Variants in PACRG observed in about 807,000 individuals in gnomAD.
PACRG encodes the protein parkin coregulated, also known as parkin coregulated gene protein.
A neutral mutation model predicts 29.7 loss-of-function variants in PACRG; 29 were observed. That is an observed-to-expected ratio of 0.98 (90% CI 0.73 to 1.33). The LOEUF is 1.33. Ranked by LOEUF, PACRG falls within the 40% of genes most tolerant of loss-of-function variation. The pLI, the probability that PACRG is intolerant of heterozygous loss-of-function variation, is 0.00. For missense variants in PACRG, 279 were observed against 316.2 expected, an observed-to-expected ratio of 0.88 and a Z score of 0.89; for synonymous variants, 116 against 118.7, an observed-to-expected ratio of 0.98 and a Z score of 0.15.
At chr6:162,766,512 A>G (rs1454412160) in intron 1 of PACRG, among the ~76,000 whole-genome samples, 6 of 152,200 alleles carry the variant, frequency 3.9e-5, no homozygotes, top group African/African-American at 1.2e-4. Context: ...TCTGCAATGA[A>G]CAGAGGAGTG....
At chr6:162,748,719 T>C (rs1387575599) in intron 1 of PACRG, among the ~76,000 whole-genome samples, 5 of 152,138 alleles carry the variant, frequency 3.3e-5, no homozygotes, top group Non-Finnish European at 7.4e-5. Flanking sequence ...CTCCCCCAGG[T>C]TCACATCCCT....
chr6:163,292,602 A>ATTTATTTAT (rs35254999), intron 4 of PACRG, among the ~76,000 whole-genome samples: 1 of 150,038 alleles, frequency 6.7e-6, no homozygotes, highest in Non-Finnish European at 1.5e-5. Flanking sequence ...TTATTTATTT[A>ATTTATTTAT]TTAGTAGAGA....
intron 2 of PACRG, among the ~76,000 whole-genome samples, chr6:162,919,675 G>T (rs955699810): frequency 2.0e-5 from 3 of 152,158 alleles, no homozygotes; most frequent in Non-Finnish European, 4.4e-5. Context: ...TGTTGTAGTT[G>T]AATGAATCAA....
At chr6:163,016,610 ATG>A (rs1027994183) in intron 2 of PACRG, among the ~76,000 whole-genome samples, 2 of 152,132 alleles carry the variant, frequency 1.3e-5, no homozygotes, top group African/African-American at 4.8e-5. Flanking sequence ...AAAGATGAAT[ATG>A]GGGTCGAAAT....
intron 4 of PACRG, among the ~76,000 whole-genome samples, chr6:163,222,534 C>T (rs529916083): frequency 2.6e-5 from 4 of 152,264 alleles, no homozygotes; most frequent in East Asian, 3.9e-4. Flanking sequence ...GAGCTGAGAT[C>T]GCACCACTGT....
intron 2 of PACRG, among the ~76,000 whole-genome samples, chr6:162,946,568 G>A (rs930745368): frequency 3.3e-5 from 5 of 151,978 alleles, no homozygotes; most frequent in African/African-American, 1.2e-4. Flanking sequence ...TTACAAAGAA[G>A]AACTAACACC....
At chr6:163,001,655 A>G (rs1363305312) in intron 2 of PACRG, among the ~76,000 whole-genome samples, 1 of 152,140 alleles carries the variant, frequency 6.6e-6, no homozygotes, top group Non-Finnish European at 1.5e-5. Flanking sequence ...TTGTTACTTT[A>G]GGGAATTGTC....
chr6:163,200,226 C>A (rs900147744), intron 4 of PACRG, among the ~76,000 whole-genome samples: 6 of 152,042 alleles, frequency 3.9e-5, no homozygotes, highest in African/African-American at 1.4e-4. Flanking sequence ...GAAAAAAAGG[C>A]AACTTTTTTT....
At chr6:162,809,348 G>A (rs937440182) in intron 1 of PACRG, among the ~76,000 whole-genome samples, 1 of 152,104 alleles carries the variant, frequency 6.6e-6, no homozygotes, top group Non-Finnish European at 1.5e-5. Flanking sequence ...AAAGACAGAG[G>A]ATACCAGAGA....
In PACRG at chr6:163,269,861, AAGAAAG is replaced by A. The variant is rs1179607900; in HGVS notation, c.614-44958_614-44953del. Reference sequence around the variant, plus strand: ...AAAAAGAAAGAAAGAAAGAAAGAGAAAGAAAGAGAAAGAAAGAAAGAAAGAAAGAAA... The same window carrying A: ...AAAAAGAAAGAAAGAAAGAAAGAGAAAGAAAGAAAGAAAGAAAGAAAGAAA... On this transcript the variant is annotated intron_variant, in intron 4 of 4. Transcript: ENST00000366888. Among the ~76,000 whole-genome samples, 4 of 65,908 alleles carry A rather than the reference AAGAAAG, an allele frequency of 6.1e-5. 1 individual carries two copies. Among genetic ancestry groups the A allele is most frequent in the Non-Finnish European group, 8.7e-5 (3 of 34,362 alleles). The allele number at this position is 65,908 out of a possible 152,430, so 43.2% of individuals were successfully genotyped here. A position where few individuals can be genotyped will look rare whatever the true frequency, so the allele number is the denominator to read the frequency against.
At chr6:163,053,131 C>T (rs1810194179) in intron 2 of PACRG, among the ~76,000 whole-genome samples, 1 of 151,964 alleles carries the variant, frequency 6.6e-6, no homozygotes. Flanking sequence ...GTTAAATAAA[C>T]TAGTTATCCT....
intron 2 of PACRG, among the ~76,000 whole-genome samples, chr6:162,815,783 G>A (rs1787283812): frequency 6.6e-6 from 1 of 152,060 alleles, no homozygotes; most frequent in South Asian, 2.1e-4. Context: ...GTGTTTGCCT[G>A]TCTATGTACT....
intron 4 of PACRG, among the ~76,000 whole-genome samples, chr6:163,248,323 C>G (rs2128171127): frequency 6.6e-6 from 1 of 152,050 alleles, no homozygotes; most frequent in East Asian, 1.9e-4. Flanking sequence ...TGGTTCATAG[C>G]CAGATGACCA....
chr6:163,315,188 C>G lies in PACRG; in HGVS notation c.*201C>G. ...TAAATAGTGTCTGTTTCTTAGATTA[C>G]AATAGTGTACTGTGCTTATTTGTTC... On this transcript the variant is annotated 3_prime_UTR_variant, in exon 5 of 5. Coordinates refer to ENST00000366888, the MANE Select transcript of PACRG (RefSeq NM_001080379.2). 1.8e-6 allele frequency: 1 copy of G among 561,904 alleles called. No homozygotes were observed. Among genetic ancestry groups the G allele is most frequent in the Non-Finnish European group, 3.1e-6 (1 of 326,454 alleles). The allele number at this position is 561,904 out of a possible 1,614,324, so 34.8% of individuals were successfully genotyped here.
intron 2 of PACRG, among the ~76,000 whole-genome samples, chr6:162,977,962 G>A (rs751013590): frequency 1.1e-4 from 17 of 151,940 alleles, no homozygotes; most frequent in Non-Finnish European, 2.5e-4. Context: ...TGGCCAACAT[G>A]GGGAAACCCC....
chr6:163,268,129 G>C lies in PACRG; in HGVS notation c.614-46698G>C, dbSNP rs9458768. Among the ~76,000 whole-genome samples the C allele has an allele frequency of 7.0e-3, 1,065 of 152,204 alleles. 14 individuals carry two copies. Among genetic ancestry groups the C allele is most frequent in the African/African-American group, 0.024 (995 of 41,528 alleles). Reference sequence around the variant, plus strand: ...GAAAGTGTTGAAATTGGCCTGGCGCGGTGGCTCACACCTGTAATCCCAGCA... The same window carrying C: ...GAAAGTGTTGAAATTGGCCTGGCGCCGTGGCTCACACCTGTAATCCCAGCA... On this transcript the variant is annotated intron_variant, in intron 4 of 4. Coordinates refer to ENST00000366888, the MANE Select transcript of PACRG (RefSeq NM_001080379.2).
chr6:163,271,637 G>A (rs996405918), intron 4 of PACRG, among the ~76,000 whole-genome samples: 5 of 152,184 alleles, frequency 3.3e-5, no homozygotes, highest in African/African-American at 4.8e-5. Flanking sequence ...TTGAGATGAC[G>A]CATGTATATC....
intron 2 of PACRG, among the ~76,000 whole-genome samples, chr6:162,988,151 C>A (rs370254586): frequency 1.3e-5 from 2 of 152,322 alleles, no homozygotes; most frequent in East Asian, 3.9e-4. Flanking sequence ...GTATGAGTCT[C>A]CACATGCTTT....
At chr6:162,977,579 C>T (rs977852955) in intron 2 of PACRG, among the ~76,000 whole-genome samples, 10 of 152,178 alleles carry the variant, frequency 6.6e-5, no homozygotes, top group East Asian at 1.9e-4. Context: ...CAAACCCTTC[C>T]AACTTCAAGA....
Sources: gnomAD v4.1 joint callset for allele counts (sites outside exome capture counted in the v4.1 genomes callset) on GRCh38, gnomAD v4.1.1 for gene constraint, MANE v1.5 for transcripts, NCBI Gene and HGNC (gene_info 2026-07-23, HGNC 2026-07-21) for gene names.